The following RADIL variants were observed in gnomAD, a reference collection of about 807,000 sequenced individuals.
RADIL encodes the protein Rap associating with DIL domain, also known as ras-associating and dilute domain-containing protein.
Under a neutral mutation model 97.6 loss-of-function variants are expected in RADIL, and 99 were observed. That is an observed-to-expected ratio of 1.01 (90% CI 0.86 to 1.20). The LOEUF (loss-of-function observed/expected upper bound fraction) is 1.20, where lower values mean the gene tolerates loss of function less well. Ranked by LOEUF, RADIL falls within the 50% of genes most tolerant of loss-of-function variation. RADIL has a pLI of 0.00. For synonymous variants in RADIL, 803 were observed against 691.8 expected (o/e 1.16, Z -2.52); for missense variants, 1,765 against 1,498.9 (o/e 1.18, Z -2.93).
intron 11 of RADIL, among the ~76,000 whole-genome samples, chr7:4,802,670 C>A (rs1268157200): frequency 8.1e-6 from 1 of 123,916 alleles, no homozygotes; most frequent in Non-Finnish European, 1.7e-5. Context: ...GCTGGGGGGC[C>A]CCCTCCCCGG....
chr7:4,828,954 A>T (rs1783068850), intron 5 of RADIL, among the ~76,000 whole-genome samples: 2 of 152,266 alleles, frequency 1.3e-5, no homozygotes, highest in South Asian at 4.2e-4. Context: ...GGAAGGTTCC[A>T]GTCCTCCCTG....
intron 5 of RADIL, among the ~76,000 whole-genome samples, chr7:4,826,831 T>C (rs184250569): frequency 2.0e-5 from 3 of 151,880 alleles, no homozygotes; most frequent in Non-Finnish European, 2.9e-5. Context: ...GGTAAAAATG[T>C]GGCCAAAGAC....
rs1238421312 is a variant in RADIL, at chr7:4,860,117, G to A, written c.535+17488C>T. The A allele has an allele frequency of 3.7e-6, 6 of 1,613,890 alleles. No individual in the cohort carries two copies. In the Admixed American group the frequency reaches 8.3e-5, roughly 22 times the overall value. The stretch of plus-strand genomic sequence containing the variant: ...AGTAGCCTGTATGTTAGCCACAGAT[G>A]CTGTCATTACAGCCAAGGCAGGACT... On this transcript the variant is annotated intron_variant, in intron 2 of 14. Coordinates refer to ENST00000399583, the MANE Select transcript of RADIL (RefSeq NM_018059.5).
chr7:4,809,624 C>T, intron 9 of RADIL: 1 of 985,216 alleles, frequency 1.0e-6, no homozygotes, highest in Non-Finnish European at 1.2e-6. Context: ...TCCTTCAGCT[C>T]AACCTGCCCT....
chr7:4,845,941 T>C (rs1783557198), intron 2 of RADIL, among the ~76,000 whole-genome samples: 1 of 151,916 alleles, frequency 6.6e-6, no homozygotes, highest in Non-Finnish European at 1.5e-5. Flanking sequence ...TGTAGCCAGT[T>C]ACCCCGGGAA....
chr7:4,851,310 A>C (rs1046998970), intron 2 of RADIL, among the ~76,000 whole-genome samples: 2 of 152,214 alleles, frequency 1.3e-5, no homozygotes, highest in African/African-American at 4.8e-5. Context: ...GTAACCAGGC[A>C]ATAGGTGGAG....
chr7:4,858,091 T>A (rs1214351575), intron 2 of RADIL: 2 of 152,530 alleles, frequency 1.3e-5, no homozygotes, highest in Non-Finnish European at 2.9e-5. Flanking sequence ...TTTATTATTG[T>A]GGTGAAACGG....
rs370468118 is a variant in RADIL at position 4,799,761 on chromosome 7, G to C, written c.2991C>G (p.His997Gln). The change falls in exon 14 of 15, where the codon CAC becomes CAG. Residue 997 changes from histidine (H) to glutamine (Q), a missense_variant. Coordinates refer to ENST00000399583, the MANE Select transcript of RADIL (RefSeq NM_018059.5). ...GMGLIDGMHT[H>Q]LGAPGLYIQT... is the part of the protein sequence containing the mutation. ...GGATGTAGAGCCCGGGGGCGCCCAG[G>C]TGCGTGTGCTGGGGACAAGCAGAGG... The C allele has an allele frequency of 6.5e-7, 1 of 1,535,706 alleles. No individual in the cohort carries two copies. The highest frequency in any genetic ancestry group is 8.7e-7 in the Non-Finnish European group (1 of 1,146,450).
Position 4,801,933 on chromosome 7 carries a change from C to T in RADIL, c.2562G>A (p.Arg854=), listed in dbSNP as rs1782100399. The T allele has an allele frequency of 6.4e-7, 1 of 1,567,680 alleles. No homozygotes were observed. Among genetic ancestry groups the T allele is most frequent in the Non-Finnish European group, 8.6e-7 (1 of 1,158,888 alleles). Reference sequence around the variant, plus strand: ...CTTCCCGGGCTGCTGGGCCAGGGTCCCTGGGAGCCAGGGGGCAGCTCGGGG... The same window carrying T: ...CTTCCCGGGCTGCTGGGCCAGGGTCTCTGGGAGCCAGGGGGCAGCTCGGGG... ...LEAPSCPLAP[R]DPGPAAREVA... The change falls in exon 12 of 15, where the codon AGG becomes AGA. Residue 854 remains arginine, a synonymous_variant. Coordinates refer to ENST00000399583, the MANE Select transcript of RADIL (RefSeq NM_018059.5).
At chr7:4,852,904 T>G (rs1049099283) in intron 2 of RADIL, among the ~76,000 whole-genome samples, 2 of 152,114 alleles carry the variant, frequency 1.3e-5, no homozygotes, top group Non-Finnish European at 2.9e-5. Flanking sequence ...CCTTGCAAGT[T>G]GGGAGGGCTG....
At chr7:4,827,530 AG>A in intron 5 of RADIL, among the ~76,000 whole-genome samples, 1 of 152,042 alleles carries the variant, frequency 6.6e-6, no homozygotes, top group Non-Finnish European at 1.5e-5. Context: ...GCGTGGTTGC[AG>A]GCGCCTGTAG....
At position 4,800,270 on chromosome 7, in the gene RADIL, CG is replaced by C. The variant is rs1562423585; in HGVS notation, c.2882del (p.Pro961ArgfsTer30). The C allele has an allele frequency of 6.5e-7, 1 of 1,538,190 alleles. No individual in the cohort carries two copies. The highest frequency in any genetic ancestry group is 8.7e-7 in the Non-Finnish European group (1 of 1,145,004). ...AALAEESPPAPSSRSSSTEDF... is the reference protein window; with the variant it reads ...AALAEESPPAXSSRSSSTEDF... ...CCTCGGTGCTGGAGCTGCGGCTGGA[CG>C]GGGCTGGAGGGGACTCCTCCGCAAG... On this transcript the variant is annotated frameshift_variant, in exon 13 of 15. Transcript: ENST00000399583. LOFTEE classifies it high-confidence loss of function.
chr7:4,800,096 T>TGCGGCCAGGCTTGCATGAACAGGC (rs1782029776), intron 13 of RADIL, 75 bp downstream of exon 13: 1 of 1,471,204 alleles, frequency 6.8e-7, no homozygotes, highest in African/African-American at 1.4e-5. Flanking sequence ...CCACGCAAGC[T>TGCGGCCAGGCTTGCATGAACAGGC]GCGGCCAGGC....
intron 10 of RADIL, among the ~76,000 whole-genome samples, chr7:4,804,856 G>T (rs1343340124): frequency 6.6e-6 from 1 of 151,906 alleles, no homozygotes; most frequent in Non-Finnish European, 1.5e-5. Context: ...AGCACTTTGG[G>T]AGGCTGAGGT....
chr7:4,842,371 A>C lies in RADIL; in HGVS notation c.536-5766T>G, dbSNP rs1477351718. ...GCTGCTGAGCACATCCTCATCTCCA[A>C]GGTGAGAAACTCACTCCTGGAGGAA... On this transcript the variant is annotated intron_variant, in intron 2 of 14. Coordinates refer to ENST00000399583, the MANE Select transcript of RADIL (RefSeq NM_018059.5). This position sits in a 1 kb window ranked among gnomAD's most constrained non-coding sequence, Gnocchi z 4.5. 6.6e-6 allele frequency among the ~76,000 whole-genome samples: 1 copy of C among 152,200 alleles called. No individual in the cohort carries two copies. The highest frequency in any genetic ancestry group is 1.9e-4 in the East Asian group (1 of 5,196).
At chr7:4,861,925 A>C (rs2115034911) in intron 2 of RADIL, 1 of 597,890 alleles carries the variant, frequency 1.7e-6, no homozygotes, top group Non-Finnish European at 2.6e-6. Flanking sequence ...CCCTGGTCCG[A>C]CCCCACTCCC....
rs879095918 is a variant in RADIL at position 4,865,614 on chromosome 7, C to T, written c.535+11991G>A. The stretch of plus-strand genomic sequence containing the variant: ...ACAGTGATCTTGCTCTTGCTCCTTT[C>T]GATGGTCACCACCCCTCCACCAAGG... On this transcript the variant is annotated intron_variant, in intron 2 of 14. Coordinates refer to ENST00000399583, the MANE Select transcript of RADIL (RefSeq NM_018059.5). 3.9e-5 allele frequency: 32 copies of T among 823,666 alleles called. 1 individual carries two copies. The highest frequency in any genetic ancestry group is 2.4e-4 in the Admixed American group (14 of 59,050). The allele number at this position is 823,666 out of a possible 1,614,324, so 51.0% of individuals were successfully genotyped here. A position where few individuals can be genotyped will look rare whatever the true frequency, so the allele number is the denominator to read the frequency against.
chr7:4,803,730 T>G lies in RADIL; in HGVS notation c.2315A>C (p.Asn772Thr), dbSNP rs1312532878. 3.2e-6 allele frequency: 5 copies of G among 1,564,798 alleles called. No individual in the cohort carries two copies. Among genetic ancestry groups the G allele is most frequent in the African/African-American group, 1.4e-5 (1 of 73,408 alleles). The part of the protein sequence containing the change: ...RSEDVLESYE[N>T]PPPIVLPSDG... Reference sequence around the variant, plus strand: ...GCTGGGCAGGACGATGGGTGGGGGGTTTTCGTAGGACTCCAGAACATCCTC... The same window carrying G: ...GCTGGGCAGGACGATGGGTGGGGGGGTTTCGTAGGACTCCAGAACATCCTC... Residue 772 changes from asparagine (N) to threonine (T), a missense_variant, in exon 11 of 15, where the codon AAC (asparagine) becomes ACC (threonine). Physicochemically the swap from Asn to Thr is moderately conservative, Grantham distance 65. Transcript: ENST00000399583.
intron 2 of RADIL, among the ~76,000 whole-genome samples, chr7:4,864,246 G>A (rs10225130): frequency 1.3e-3 from 194 of 152,116 alleles, no homozygotes; most frequent in African/African-American, 4.5e-3. Context: ...TGGCCTCTGC[G>A]ACACCATACT....
Sources: gnomAD v4.1 joint callset for allele counts (sites outside exome capture counted in the v4.1 genomes callset) on GRCh38, gnomAD v4.1.1 for gene constraint, Gnocchi (gnomAD v3.1) non-coding constraint, MANE v1.5 for transcripts, NCBI Gene and HGNC (gene_info 2026-07-23, HGNC 2026-07-21) for gene names.